Variants in DGKZ observed in about 807,000 individuals in gnomAD.
DGKZ encodes the protein diacylglycerol kinase zeta, also known as DAG kinase zeta.
In DGKZ, 45 loss-of-function variants were observed where a neutral mutation model predicts 142.5. The observed-to-expected ratio is 0.32, with a 90% CI of 0.25 to 0.40. The LOEUF is 0.40. DGKZ is among the 10% of genes least tolerant of loss of function. The pLI, the probability that DGKZ is intolerant of heterozygous loss-of-function variation, is 1.00. For synonymous variants in DGKZ, 442 were observed against 527.0 expected, an observed-to-expected ratio of 0.84 and a Z score of 2.21; for missense variants, 755 against 1,306.5, an observed-to-expected ratio of 0.58 and a Z score of 6.51.
rs1269644198 is a variant in DGKZ at position 46,367,091 on chromosome 11, A to G, written c.162-200A>G. 1 of 1,381,738 alleles carries G rather than the reference A, an allele frequency of 7.2e-7. No individual in the cohort carries two copies. The highest frequency in any genetic ancestry group is 2.5e-5 in the East Asian group (1 of 40,098). The allele number at this position is 1,381,738 out of a possible 1,614,324, so 85.6% of individuals were successfully genotyped here. ...GGCTGAGGGTTCCCCACTTGGGAAC[A>G]CTCTGGGCAGTACCCTGAAGCCAGC... On this transcript the variant is annotated intron_variant, in intron 1 of 30. Transcript: ENST00000527911. This position sits in a 1 kb window ranked among gnomAD's most constrained non-coding sequence, Gnocchi z 4.1.
rs779825781 is a variant in DGKZ, at chr11:46,359,770, A to AT, written c.162-7502dup. On this transcript the variant is annotated intron_variant, in intron 1 of 30. Coordinates refer to ENST00000527911, the Ensembl canonical transcript of DGKZ. Reference sequence around the variant, plus strand: ...AGGCACCTGCCATCATGCCCGGCTAATTTTTTTTTTTTTTTTTTTGTATTG... The same window carrying AT: ...AGGCACCTGCCATCATGCCCGGCTAATTTTTTTTTTTTTTTTTTTTGTATTG... Among the ~76,000 whole-genome samples the AT allele has an allele frequency of 6.3e-3, 814 of 129,010 alleles. 2 individuals carry two copies. The highest frequency in any genetic ancestry group is 0.012 in the Middle Eastern group (3 of 252). The allele number at this position is 129,010 out of a possible 152,430, so 84.6% of individuals were successfully genotyped here.
intron 1 of DGKZ, among the ~76,000 whole-genome samples, chr11:46,357,686 C>T (rs1942194650): frequency 6.6e-6 from 1 of 152,238 alleles, no homozygotes; most frequent in African/African-American, 2.4e-5. Context: ...CCCCCAGGAG[C>T]TCGCGGTCTG....
At position 46,369,517 on chromosome 11, in the gene DGKZ, C is replaced by G. The variant is rs771992578; in HGVS notation, c.468C>G (p.Ser156=). The G allele has an allele frequency of 3.3e-5, 53 of 1,613,608 alleles. No individual in the cohort carries two copies. The highest frequency in any genetic ancestry group is 4.2e-5 in the Non-Finnish European group (49 of 1,180,024). ...AGATAAATTTCCGCTGTAAGCCGTC[C>G]TTCCGTGAATCAGGCTCCAGGAATG... The change falls in exon 5 of 31, where the codon TCC becomes TCG. Residue 156 remains serine (S), a synonymous_variant. Coordinates refer to ENST00000527911, the Ensembl canonical transcript of DGKZ.
intron 1 of DGKZ, among the ~76,000 whole-genome samples, chr11:46,342,345 A>G (rs970609280): frequency 6.6e-6 from 1 of 152,224 alleles, no homozygotes; most frequent in African/African-American, 2.4e-5. Flanking sequence ...CTAGTCTCAC[A>G]GTCAGGACTG....
chr11:46,367,087 G>A lies in DGKZ; in HGVS notation c.162-204G>A, dbSNP rs1232176845. ...GCCTGGCTGAGGGTTCCCCACTTGGGAACACTCTGGGCAGTACCCTGAAGC... is the reference window on the plus strand; with the variant it reads ...GCCTGGCTGAGGGTTCCCCACTTGGAAACACTCTGGGCAGTACCCTGAAGC... On this transcript the variant is annotated intron_variant, in intron 1 of 30. Coordinates refer to ENST00000527911, the Ensembl canonical transcript of DGKZ. This position sits in a 1 kb window ranked among gnomAD's most constrained non-coding sequence, Gnocchi z 4.1. 5.0e-6 allele frequency: 7 copies of A among 1,396,756 alleles called. No homozygotes were observed. The highest frequency in any genetic ancestry group is 5.8e-6 in the Non-Finnish European group (6 of 1,039,718). 86.5% of individuals were successfully genotyped at this position (1,396,756 alleles called of 1,614,324 possible). A position where few individuals can be genotyped will look rare whatever the true frequency, so the allele number is the denominator to read the frequency against.
chr11:46,364,409 G>A, intron 1 of DGKZ: 1 of 1,288,732 alleles, frequency 7.8e-7, no homozygotes, highest in African/African-American at 1.5e-5. Flanking sequence ...TTTTGGGGGA[G>A]ACCCAGCGCT....
chr11:46,354,032 A>C (rs895799957), intron 1 of DGKZ, among the ~76,000 whole-genome samples: 12 of 152,148 alleles, frequency 7.9e-5, no homozygotes, highest in South Asian at 6.2e-4. Flanking sequence ...CCACACGGAC[A>C]CCCCACTGAC....
At chr11:46,363,646 A>G (rs907787343) in intron 1 of DGKZ, among the ~76,000 whole-genome samples, 5 of 152,182 alleles carry the variant, frequency 3.3e-5, no homozygotes, top group African/African-American at 4.8e-5. Flanking sequence ...ACCGCTGCCC[A>G]CGGGTGCAGC....
At chr11:46,348,668 T>C (rs996739418) in intron 1 of DGKZ, among the ~76,000 whole-genome samples, 1 of 151,324 alleles carries the variant, frequency 6.6e-6, no homozygotes, top group South Asian at 2.1e-4. Context: ...GGGGGGAGAG[T>C]GTGGAAAGAC....
chr11:46,375,131 G>A (rs1003201116), intron 19 of DGKZ, 86 bp downstream of exon 19: 20 of 1,282,676 alleles, frequency 1.6e-5, no homozygotes, highest in South Asian at 3.0e-5. Flanking sequence ...GGGCCACGGC[G>A]GCCTAGTTCA....
intron 1 of DGKZ, chr11:46,366,262 G>A (rs1408411854): frequency 1.3e-6 from 2 of 1,578,068 alleles, no homozygotes; most frequent in South Asian, 2.3e-5. Flanking sequence ...CTGCCATGGA[G>A]ACTTTCTTTA....
intron 30 of DGKZ, 108 bp from the exon 31 acceptor site, chr11:46,379,723 G>A: frequency 7.6e-7 from 1 of 1,311,904 alleles, no homozygotes; most frequent in Non-Finnish European, 1.0e-6. Context: ...GGGCAGAGAG[G>A]CCTCCCTCCC....
intron 1 of DGKZ, among the ~76,000 whole-genome samples, chr11:46,349,012 C>G (rs1199215350): frequency 1.3e-5 from 2 of 152,200 alleles, no homozygotes; most frequent in Admixed American, 1.3e-4. Flanking sequence ...TAGACTTTAC[C>G]CACCAATAAC....
chr11:46,344,323 G>C (rs1042972718), upstream of DGKZ, among the ~76,000 whole-genome samples: 9 of 152,014 alleles, frequency 5.9e-5, no homozygotes, highest in African/African-American at 7.3e-5. Flanking sequence ...CTGCTTCCTT[G>C]TTTTTAGAGC....
At position 46,353,164 on chromosome 11, in the gene DGKZ, T is replaced by C. The variant is rs189221119; in HGVS notation, c.161+5344T>C. ...TCATGTGATCTTCATAACATCTTTG[T>C]AGTTGGTTTGATTCCCATTTTGCAG... is the stretch of plus-strand genomic sequence containing the variant. On this transcript the variant is annotated intron_variant, in intron 1 of 30. Coordinates refer to ENST00000527911, the Ensembl canonical transcript of DGKZ. 2.0e-5 allele frequency among the ~76,000 whole-genome samples: 3 copies of C among 152,318 alleles called. No individual in the cohort carries two copies. The East Asian group carries it at 5.8e-4, about 29-fold the overall frequency.
intron 1 of DGKZ, among the ~76,000 whole-genome samples, chr11:46,363,123 C>T (rs1364327139): frequency 5.3e-5 from 8 of 152,244 alleles, no homozygotes; most frequent in Non-Finnish European, 1.5e-5. Flanking sequence ...TGAGAAGACA[C>T]TGTCACGCAG....
intron 19 of DGKZ, 41 bp from the exon 20 acceptor site, chr11:46,375,391 C>A: frequency 1.3e-6 from 2 of 1,533,074 alleles, no homozygotes; most frequent in South Asian, 2.4e-5. Context: ...CCCCTGCCCC[C>A]AGCCCTGGTG....
intron 1 of DGKZ, chr11:46,365,889 G>A: frequency 1.0e-6 from 1 of 985,416 alleles, no homozygotes; most frequent in Non-Finnish European, 1.2e-6. Context: ...GAGGCCTTTA[G>A]GCCCAGAGCT....
upstream of DGKZ, chr11:46,345,483 C>A (rs376380514): frequency 1.0e-5 from 15 of 1,507,012 alleles, no homozygotes; most frequent in Non-Finnish European, 1.3e-5. The surrounding 1 kb of genome is among the most constrained non-coding windows in gnomAD (Gnocchi z 4.1). Context: ...CCAGTGGAGG[C>A]GCTGGGGACG....
Sources: gnomAD v4.1 joint callset for allele counts (sites outside exome capture counted in the v4.1 genomes callset) on GRCh38, gnomAD v4.1.1 for gene constraint, Gnocchi (gnomAD v3.1) non-coding constraint, MANE v1.5 for transcripts, NCBI Gene and HGNC (gene_info 2026-07-23, HGNC 2026-07-21) for gene names.